Variants in AMOTL2 observed in about 807,000 individuals in gnomAD.
AMOTL2 encodes angiomotin like 2.
AMOTL2 carries 33 observed loss-of-function variants against 78.4 expected under a neutral mutation model. That is an observed-to-expected ratio of 0.42 (90% CI 0.32 to 0.56). AMOTL2 has a LOEUF of 0.56. AMOTL2 is among the 20% of genes least tolerant of loss of function. AMOTL2 has a pLI of 0.12. For synonymous variants in AMOTL2, 422 were observed against 428.8 expected, an observed-to-expected ratio of 0.98 and a Z score of 0.20; for missense variants, 983 against 1,030.1, an observed-to-expected ratio of 0.95 and a Z score of 0.63.
At chr3:134,358,906 A>G (rs1351430444) in intron 8 of AMOTL2, among the ~76,000 whole-genome samples, 187 bp from the exon 9 acceptor site, 1 of 152,190 alleles carries the variant, frequency 6.6e-6, no homozygotes, top group African/African-American at 2.4e-5. Context: ...TTGGCTTCCA[A>G]ATGTTTTGGG....
At chr3:134,375,342 A>G (rs770154968), upstream of AMOTL2, 4 of 1,106,788 alleles carry the variant, frequency 3.6e-6, no homozygotes, top group South Asian at 4.0e-5. Context: ...GAGTTCTGTT[A>G]TCATCCCTGT....
At chr3:134,369,830 C>A (rs1047244549) in intron 2 of AMOTL2, among the ~76,000 whole-genome samples, 3 of 152,180 alleles carry the variant, frequency 2.0e-5, no homozygotes, top group Non-Finnish European at 2.9e-5. Flanking sequence ...GTCTGCTTCT[C>A]TGGAAAAGAT....
At chr3:134,374,463 A>G (rs552173289), upstream of AMOTL2, 3 of 985,430 alleles carry the variant, frequency 3.0e-6, no homozygotes, top group East Asian at 3.4e-4. Flanking sequence ...TTCGCGCCCC[A>G]GCGCGCAGCC....
At chr3:134,373,786 T>C (rs1576591309) in intron 1 of AMOTL2, 3 of 985,298 alleles carry the variant, frequency 3.0e-6, no homozygotes, top group African/African-American at 3.5e-5. Context: ...TCCCTCCCTC[T>C]CGAGCCCTCT....
chr3:134,371,074 C>G lies in AMOTL2; in HGVS notation c.360G>C (p.Gln120His). 1.2e-6 allele frequency: 2 copies of G among 1,611,292 alleles called. No individual in the cohort carries two copies. The highest frequency in any genetic ancestry group is 1.7e-6 in the Non-Finnish European group (2 of 1,178,838). ...AKAHSQYYAA[Q>H]QAGTRPHAGD... ...CCGCATGTGGCCGGGTCCCTGCCTG[C>G]TGGGCCGCATAGTACTGCGAGTGGG... The change falls in exon 2 of 10, where the codon CAG becomes CAC. Residue 120 changes from glutamine (Q) to histidine (H), a missense_variant. Gln to His is a conservative substitution (Grantham distance 24, BLOSUM62 0). Coordinates refer to ENST00000249883, the MANE Select transcript of AMOTL2 (RefSeq NM_016201.4).
chr3:134,369,096 G>A (rs1229707115), intron 2 of AMOTL2, among the ~76,000 whole-genome samples: 2 of 152,196 alleles, frequency 1.3e-5, no homozygotes, highest in African/African-American at 4.8e-5. Context: ...TAGGCTAGGA[G>A]TCTAGCCCGT....
At chr3:134,370,564 G>GTTC in intron 2 of AMOTL2, 136 bp downstream of exon 2, 1 of 1,163,266 alleles carries the variant, frequency 8.6e-7, no homozygotes, top group Admixed American at 3.2e-5. Context: ...CCAGGCATTA[G>GTTC]CTCTCCCTTC....
chr3:134,362,818 G>GCCC (rs58531712), intron 5 of AMOTL2, among the ~76,000 whole-genome samples: 1 of 152,178 alleles, frequency 6.6e-6, no homozygotes, highest in African/African-American at 2.4e-5. Context: ...GTCCCAGGCT[G>GCCC]CCCCCTGAGG....
rs769326127 is a variant in AMOTL2 at position 134,361,576 on chromosome 3, T to G, written c.1511A>C (p.Glu504Ala). 6.2e-7 allele frequency: 1 copy of G among 1,613,488 alleles called. No homozygotes were observed. Among genetic ancestry groups the G allele is most frequent in the Admixed American group, 1.7e-5 (1 of 60,014 alleles). ...AGTCCGCAGACGCAGCTCCAGCTGC[T>G]CCCGCTTCTCACAGGCTGCCTGCAG... ...GQLQAACEKR[E>A]QLELRLRTRL... Residue 504 changes from glutamate (E) to alanine (A), a missense_variant, in exon 6 of 10, where the codon GAG (glutamate) becomes GCG (alanine). Physicochemically the swap from Glu to Ala is moderately radical, Grantham distance 107. Transcript: ENST00000249883.
At chr3:134,362,560 A>C (rs1240739373) in intron 5 of AMOTL2, among the ~76,000 whole-genome samples, 1 of 152,250 alleles carries the variant, frequency 6.6e-6, no homozygotes, top group Non-Finnish European at 1.5e-5. Context: ...TCTGAAAAGA[A>C]CACTGAGATG....
rs750467486 is a variant in AMOTL2, at chr3:134,371,050, C to T, written c.384G>A (p.Ala128=). ...AAQQAGTRPH[A]GDRDPRGAPG... ...GGGCCCCACGGGGATCTCGGTCCCC[C>T]GCATGTGGCCGGGTCCCTGCCTGCT... is the stretch of plus-strand genomic sequence containing the variant. The change falls in exon 2 of 10, where the codon GCG becomes GCA. Residue 128 remains alanine (A), a synonymous_variant. Transcript: ENST00000249883. 9.9e-6 allele frequency: 16 copies of T among 1,608,454 alleles called. No homozygotes were observed. Among genetic ancestry groups the T allele is most frequent in the South Asian group, 5.6e-5 (5 of 90,056 alleles).
In AMOTL2 at chr3:134,370,936, G is replaced by A. The variant is rs770469815; in HGVS notation, c.498C>T (p.Ser166=). The A allele has an allele frequency of 5.6e-6, 9 of 1,611,978 alleles. No individual in the cohort carries two copies. In the South Asian group the frequency reaches 9.9e-5, roughly 18 times the overall value. The change falls in exon 2 of 10, where the codon TCC becomes TCT. Residue 166 remains serine, a synonymous_variant. Coordinates refer to ENST00000249883, the MANE Select transcript of AMOTL2 (RefSeq NM_016201.4). ...GGGCCCGGGCGCCGTTCCTCTCCAG[G>A]GACAACTGAAGGAGCCGTTCACTCA... ...RSLSERLLQL[S]LERNGARAPS...
At chr3:134,365,416 C>T (rs1359389863) in intron 5 of AMOTL2, among the ~76,000 whole-genome samples, 1 of 152,156 alleles carries the variant, frequency 6.6e-6, no homozygotes, top group African/African-American at 2.4e-5. Flanking sequence ...ATTCCCATTG[C>T]ACACTCCCGA....
At chr3:134,366,036 C>A in intron 4 of AMOTL2, 127 bp from the exon 5 acceptor site, 2 of 1,137,336 alleles carry the variant, frequency 1.8e-6, no homozygotes, top group Non-Finnish European at 2.5e-6. Context: ...GAAACCCCAG[C>A]TCAGCTCAGG....
intron 3 of AMOTL2, 25 bp downstream of exon 3, chr3:134,367,472 C>A: frequency 6.2e-7 from 1 of 1,607,896 alleles, no homozygotes; most frequent in Admixed American, 1.7e-5. Context: ...CTGGTCTGCC[C>A]TTCTGAAGCC....
At chr3:134,361,345 T>C (rs2017350706) in intron 6 of AMOTL2, among the ~76,000 whole-genome samples, 167 bp downstream of exon 6, 1 of 152,140 alleles carries the variant, frequency 6.6e-6, no homozygotes, top group East Asian at 1.9e-4. Flanking sequence ...GCAGCAAAGG[T>C]GGAGCAGAGA....
intron 6 of AMOTL2, 81 bp downstream of exon 6, chr3:134,361,431 C>T: frequency 6.9e-7 from 1 of 1,458,578 alleles, no homozygotes; most frequent in Non-Finnish European, 9.1e-7. Context: ...CAGCCCTGGC[C>T]TCCAAACCTA....
chr3:134,375,081 C>G (rs954474401), upstream of AMOTL2: 66 of 1,480,172 alleles, frequency 4.5e-5, 4 homozygotes, highest in South Asian at 8.6e-4. Context: ...CAGCGGCAAC[C>G]TTTGAATGCA....
chr3:134,359,890 AAG>A (rs561219735), intron 7 of AMOTL2, among the ~76,000 whole-genome samples: 47 of 152,360 alleles, frequency 3.1e-4, no homozygotes, highest in African/African-American at 1.0e-3. Flanking sequence ...CCTCCACAGT[AAG>A]AGTCTCCTGG....
Sources: gnomAD v4.1 joint callset for allele counts (sites outside exome capture counted in the v4.1 genomes callset) on GRCh38, gnomAD v4.1.1 for gene constraint, MANE v1.5 for transcripts, NCBI Gene and HGNC (gene_info 2026-07-23, HGNC 2026-07-21) for gene names.